The following ZNF385D variants were observed in gnomAD, a reference collection of about 807,000 sequenced individuals.
ZNF385D encodes zinc finger protein 385D, also known as zinc finger protein 659.
In ZNF385D, 15 loss-of-function variants were observed where a neutral mutation model predicts 35.8. The observed-to-expected ratio is 0.42, with a 90% confidence interval of 0.28 to 0.64. ZNF385D has a LOEUF of 0.64. Ranked by LOEUF, ZNF385D falls within the 30% of genes least tolerant of loss-of-function variation. The pLI is 0.23. For missense variants in ZNF385D, 474 were observed against 494.6 expected, an observed-to-expected ratio of 0.96 and a Z score of 0.39; for synonymous variants, 212 against 186.8, an observed-to-expected ratio of 1.13 and a Z score of -1.10.
chr3:21,919,690 C>T (rs935728250), intron 3 of ZNF385D, among the ~76,000 whole-genome samples: 4 of 152,176 alleles, frequency 2.6e-5, no homozygotes, highest in African/African-American at 9.7e-5. Context: ...ATATAATTCC[C>T]CTTTGTCTTT....
intron 4 of ZNF385D, among the ~76,000 whole-genome samples, chr3:21,438,055 C>T (rs530629988): frequency 3.3e-5 from 5 of 152,218 alleles, no homozygotes; most frequent in South Asian, 2.1e-4. Flanking sequence ...AAGTCTGATG[C>T]TAAATCTGGA....
At chr3:22,201,006 A>G (rs1045075947) in intron 2 of ZNF385D, among the ~76,000 whole-genome samples, 19 of 152,056 alleles carry the variant, frequency 1.2e-4, no homozygotes, top group Admixed American at 7.9e-4. Context: ...AGTTAATGCA[A>G]TTATTACAGG....
chr3:22,328,246 A>G (rs1279231418), intron 2 of ZNF385D, among the ~76,000 whole-genome samples: 1 of 151,698 alleles, frequency 6.6e-6, no homozygotes, highest in East Asian at 1.9e-4. Flanking sequence ...CTGCATTAAT[A>G]TATTTTTCTG....
At chr3:21,433,147 C>T (rs965989213) in intron 5 of ZNF385D, among the ~76,000 whole-genome samples, 1 of 152,150 alleles carries the variant, frequency 6.6e-6, no homozygotes, top group African/African-American at 2.4e-5. Context: ...CAAAATTTAA[C>T]TCTTATCACT....
chr3:21,909,649 T>G (rs570751226), intron 3 of ZNF385D, among the ~76,000 whole-genome samples: 1 of 152,046 alleles, frequency 6.6e-6, no homozygotes, highest in Non-Finnish European at 1.5e-5. Context: ...TCCTCTTGGA[T>G]ACTGTAGCAG....
intron 4 of ZNF385D, among the ~76,000 whole-genome samples, chr3:21,479,826 G>T (rs17008902): frequency 0.011 from 1,659 of 152,204 alleles, 32 homozygotes; most frequent in South Asian, 0.054. Flanking sequence ...TGACAGAAAT[G>T]CATTAGCTAT....
intron 3 of ZNF385D, among the ~76,000 whole-genome samples, chr3:21,994,283 G>C (rs1352206624): frequency 6.6e-6 from 1 of 152,184 alleles, no homozygotes; most frequent in Non-Finnish European, 1.5e-5. Flanking sequence ...ATGATACAGG[G>C]AAAGTGATAA....
chr3:22,196,055 G>A (rs1696391283), intron 2 of ZNF385D, among the ~76,000 whole-genome samples: 1 of 152,068 alleles, frequency 6.6e-6, no homozygotes, highest in East Asian at 1.9e-4. Context: ...AGAGGATCAG[G>A]AAAAATAACG....
chr3:21,860,627 C>G (rs1696996973), intron 3 of ZNF385D, among the ~76,000 whole-genome samples: 1 of 152,126 alleles, frequency 6.6e-6, no homozygotes, highest in African/African-American at 2.4e-5. Context: ...CTGCATTAGA[C>G]TTAGCATGTC....
At chr3:21,981,573 C>A (rs1335945558) in intron 3 of ZNF385D, among the ~76,000 whole-genome samples, 1 of 152,228 alleles carries the variant, frequency 6.6e-6, no homozygotes, top group Non-Finnish European at 1.5e-5. Flanking sequence ...TTAATCAGAT[C>A]CCACATTTCA....
chr3:22,008,798 A>C (rs1218205507), intron 3 of ZNF385D, among the ~76,000 whole-genome samples: 1 of 152,234 alleles, frequency 6.6e-6, no homozygotes, highest in Non-Finnish European at 1.5e-5. Context: ...GAACCAAACA[A>C]TTATAAAAAT....
intron 2 of ZNF385D, among the ~76,000 whole-genome samples, chr3:22,251,010 A>G (rs1341572987): frequency 7.2e-5 from 11 of 152,040 alleles, no homozygotes; most frequent in Admixed American, 3.9e-4. Flanking sequence ...TCAGGACAAC[A>G]CCAATCAATC....
At chr3:22,237,042 A>T (rs1209813191) in intron 2 of ZNF385D, among the ~76,000 whole-genome samples, 2 of 152,146 alleles carry the variant, frequency 1.3e-5, no homozygotes, top group African/African-American at 4.8e-5. Context: ...TTAGGTACAC[A>T]CCTAGAACTG....
chr3:22,189,417 T>C (rs779796728), intron 2 of ZNF385D, among the ~76,000 whole-genome samples: 2 of 152,158 alleles, frequency 1.3e-5, no homozygotes, highest in African/African-American at 2.4e-5. Context: ...CTAGCCTCAG[T>C]CTATACCTTG....
chr3:21,734,758 A>T (rs2069168808), intron 1 of ZNF385D, among the ~76,000 whole-genome samples: 1 of 152,134 alleles, frequency 6.6e-6, no homozygotes, highest in South Asian at 2.1e-4. Flanking sequence ...GAACCTTTGG[A>T]GGCATTTTCA....
intron 3 of ZNF385D, chr3:21,958,848 A>AT (rs1431031698): frequency 1.3e-5 from 2 of 152,160 alleles, no homozygotes; most frequent in African/African-American, 2.4e-5. Flanking sequence ...CTACAAGTAT[A>AT]TTTTTTCATT....
chr3:22,002,096 G>A (rs1695876284), intron 3 of ZNF385D, among the ~76,000 whole-genome samples: 1 of 140,210 alleles, frequency 7.1e-6, no homozygotes, highest in Non-Finnish European at 1.5e-5. Flanking sequence ...ACAAATTAGA[G>A]CAGAACTAAA....
intron 3 of ZNF385D, among the ~76,000 whole-genome samples, chr3:21,972,054 A>G (rs1703292930): frequency 6.6e-6 from 1 of 151,986 alleles, no homozygotes; most frequent in Non-Finnish European, 1.5e-5. Context: ...AATCATTTAG[A>G]CAGAAAATCA....
chr3:22,327,819 G>T (rs1200552029), intron 2 of ZNF385D, among the ~76,000 whole-genome samples: 2 of 152,176 alleles, frequency 1.3e-5, no homozygotes, highest in Non-Finnish European at 2.9e-5. Context: ...CTTTGTGAAT[G>T]TTGACCTTGT....
Sources: gnomAD v4.1 joint callset for allele counts (sites outside exome capture counted in the v4.1 genomes callset) on GRCh38, gnomAD v4.1.1 for gene constraint, MANE v1.5 for transcripts, NCBI Gene and HGNC (gene_info 2026-07-23, HGNC 2026-07-21) for gene names.